KATNAL1: variants seen among roughly 807,000 people sequenced by gnomAD.
KATNAL1 encodes katanin catalytic subunit A1 like 1, also known as katanin p60 ATPase-containing subunit A-like 1.
KATNAL1 carries 32 observed loss-of-function variants against 55.2 expected under a neutral mutation model. That is an observed-to-expected ratio of 0.58 (90% CI 0.44 to 0.78). The LOEUF is 0.78. Among genes scored for constraint, KATNAL1 ranks in the 30% least tolerant of loss-of-function variants. The pLI, the probability that KATNAL1 is intolerant of heterozygous loss-of-function variation, is 0.00. For missense variants in KATNAL1, 466 were observed against 600.9 expected (o/e 0.78, Z 2.35); for synonymous variants, 193 against 193.6 (o/e 1.00, Z 0.02).
At chr13:30,267,803 G>T (rs778580849) in intron 3 of KATNAL1, among the ~76,000 whole-genome samples, 6 of 152,166 alleles carry the variant, frequency 3.9e-5, no homozygotes, top group Non-Finnish European at 5.9e-5. Context: ...AGAAGCACAT[G>T]AGCTAAAGAC....
At chr13:30,213,165 A>ATTC (rs1873861883) in intron 9 of KATNAL1, among the ~76,000 whole-genome samples, 1 of 152,216 alleles carries the variant, frequency 6.6e-6, no homozygotes, top group Non-Finnish European at 1.5e-5. Flanking sequence ...ATAAACTAGA[A>ATTC]AATCTAGAAG....
intron 3 of KATNAL1, among the ~76,000 whole-genome samples, chr13:30,271,551 A>G (rs951643027): frequency 6.6e-6 from 1 of 152,034 alleles, no homozygotes; most frequent in Non-Finnish European, 1.5e-5. Context: ...CTTTTTAACA[A>G]CCAGATCTCT....
Position 30,283,612 on chromosome 13 carries a change from T to A in KATNAL1, c.162+4A>T. ...ACTCATCTAATACTTTAATACCATC[T>A]TACCTGTTGCCATTTGCCTTTGATA... is the stretch of plus-strand genomic sequence containing the variant. On this transcript the variant is annotated splice_donor_region_variant and intron_variant, in intron 2 of 10. Transcript: ENST00000380615. 2 of 1,613,672 alleles carry A rather than the reference T, an allele frequency of 1.2e-6. No individual in the cohort carries two copies. The highest frequency in any genetic ancestry group is 3.3e-4 in the Middle Eastern group (2 of 6,062).
rs1167639851 is a variant in KATNAL1, at chr13:30,204,907, A to T, written c.*3633T>A. On this transcript the variant is annotated 3_prime_UTR_variant, in exon 11 of 11. Transcript: ENST00000380615. ...TGTAGATAAAGTCTGTGATGCCACC[A>T]TCTATTGTCTACTTGGATCACTAGA... The T allele has an allele frequency of 4.6e-5, 7 of 152,308 alleles. No homozygotes were observed. The East Asian group carries it at 1.4e-3, about 29-fold the overall frequency. 9.4% of individuals were successfully genotyped at this position (152,308 alleles called of 1,614,324 possible).
At chr13:30,231,501 T>C (rs771641005) in intron 6 of KATNAL1, 29 bp from the exon 7 acceptor site, 10 of 1,426,860 alleles carry the variant, frequency 7.0e-6, no homozygotes, top group Admixed American at 5.2e-5. Flanking sequence ...AATTAAATGA[T>C]TTATCAGATT....
At chr13:30,296,502 G>A (rs1882505510) in intron 1 of KATNAL1, 2 of 732,896 alleles carry the variant, frequency 2.7e-6, no homozygotes, top group Admixed American at 3.5e-5. Context: ...GAAAACAGAT[G>A]AGTGCATTGC....
intron 1 of KATNAL1, among the ~76,000 whole-genome samples, chr13:30,284,362 ATTCC>A (rs1208080571): frequency 6.6e-6 from 1 of 152,174 alleles, no homozygotes; most frequent in East Asian, 1.9e-4. Flanking sequence ...AGTTTTCCTT[ATTCC>A]TTTATAATTA....
At chr13:30,241,203 G>A (rs890014147) in intron 4 of KATNAL1, 117 bp from the exon 5 acceptor site, 2 of 978,074 alleles carry the variant, frequency 2.0e-6, no homozygotes, top group Non-Finnish European at 3.0e-6. Context: ...TTATTTTAAG[G>A]TAGTATTTTC....
chr13:30,280,196 C>A lies in KATNAL1; in HGVS notation c.190G>T (p.Glu64Ter). Residue 64 changes from glutamate (E) to a stop codon, truncating the protein, a stop_gained, in exon 3 of 11, where the codon GAA becomes TAA. Coordinates refer to ENST00000380615, the MANE Select transcript of KATNAL1 (RefSeq NM_032116.5). LOFTEE classifies it high-confidence loss of function. ...GTGCTGACAATACTTTTAACTTGTT[C>A]ATATTCCTCCAATAATTCCTGCCGA... ...QVRQELLEEYEQVKSIVSTLE... is the reference protein window; with the variant it reads ...QVRQELLEEY The A allele has an allele frequency of 6.3e-7, 1 of 1,597,640 alleles. No individual in the cohort carries two copies. Among genetic ancestry groups the A allele is most frequent in the Non-Finnish European group, 8.5e-7 (1 of 1,174,694 alleles).
chr13:30,274,907 G>GCGCGCGCGCGCACACA (rs869107567), intron 3 of KATNAL1, among the ~76,000 whole-genome samples: 10 of 105,432 alleles, frequency 9.5e-5, no homozygotes, highest in East Asian at 2.7e-4. Context: ...GCGCGCGCGC[G>GCGCGCGCGCGCACACA]CACACACACA....
chr13:30,287,612 A>T (rs978911613), intron 1 of KATNAL1, among the ~76,000 whole-genome samples: 6 of 152,260 alleles, frequency 3.9e-5, no homozygotes, highest in African/African-American at 1.4e-4. Flanking sequence ...CTATCCACAG[A>T]ATACAGGACA....
chr13:30,276,819 G>C (rs971244277), intron 3 of KATNAL1, among the ~76,000 whole-genome samples: 29 of 152,148 alleles, frequency 1.9e-4, no homozygotes, highest in Admixed American at 1.6e-3. Flanking sequence ...GAAGATGAAA[G>C]AGACTTGGGT....
At chr13:30,303,778 T>TA (rs1417135728) in intron 1 of KATNAL1, among the ~76,000 whole-genome samples, 1 of 152,206 alleles carries the variant, frequency 6.6e-6, no homozygotes, top group African/African-American at 2.4e-5. Context: ...ACATTGGTAT[T>TA]AATGCCCTAT....
intron 4 of KATNAL1, among the ~76,000 whole-genome samples, chr13:30,254,030 T>C (rs1878578742): frequency 6.6e-6 from 1 of 152,142 alleles, no homozygotes; most frequent in Non-Finnish European, 1.5e-5. Flanking sequence ...CTTTGAACGG[T>C]GCCCAGCAAA....
In KATNAL1 at chr13:30,280,117, T is replaced by G; in HGVS notation, c.269A>C (p.Asp90Ala). 1 of 1,613,618 alleles carries G rather than the reference T, an allele frequency of 6.2e-7. No individual in the cohort carries two copies. The highest frequency in any genetic ancestry group is 1.7e-5 in the Admixed American group (1 of 59,918). Residue 90 changes from aspartate to alanine, a missense_variant, in exon 3 of 11, where the codon GAT becomes GCT. Coordinates refer to ENST00000380615, the MANE Select transcript of KATNAL1 (RefSeq NM_032116.5). ...AACAGCAGGATCTCTAAATGGTTCA[T>G]CTTGACAGGACACAGGGAAATCTGG... ...KPPDFPVSCQ[D>A]EPFRDPAVWP...
chr13:30,274,961 T>C (rs1157164589), intron 3 of KATNAL1, among the ~76,000 whole-genome samples: 3 of 142,104 alleles, frequency 2.1e-5, no homozygotes, highest in Non-Finnish European at 4.6e-5. Flanking sequence ...ACAGGAATAT[T>C]ATTCAACCTT....
intron 10 of KATNAL1, 114 bp downstream of exon 10, chr13:30,210,202 A>G: frequency 1.3e-6 from 1 of 775,886 alleles, no homozygotes; most frequent in Non-Finnish European, 1.9e-6. Context: ...TTTTAAAGAA[A>G]TGGGTAGCTG....
At chr13:30,251,518 T>C (rs983203872) in intron 4 of KATNAL1, among the ~76,000 whole-genome samples, 1 of 152,162 alleles carries the variant, frequency 6.6e-6, no homozygotes, top group African/African-American at 2.4e-5. Context: ...CCTTCCATCC[T>C]GTAAGGACAC....
At chr13:30,213,404 T>C (rs1171439055) in intron 9 of KATNAL1, among the ~76,000 whole-genome samples, 1 of 151,950 alleles carries the variant, frequency 6.6e-6, no homozygotes, top group Non-Finnish European at 1.5e-5. Context: ...AAAGAGGGAA[T>C]CCTCCCTAAC....
Sources: allele counts gnomAD v4.1 joint callset (sites outside exome capture counted in the v4.1 genomes callset), GRCh38; gene constraint gnomAD v4.1.1; transcripts MANE v1.5; gene names NCBI Gene and HGNC (gene_info 2026-07-23, HGNC 2026-07-21).